The following ARHGAP24 variants were observed in gnomAD, a reference collection of about 807,000 sequenced individuals.
ARHGAP24 encodes Rho GTPase activating protein 24.
Under a neutral mutation model 76.4 loss-of-function variants are expected in ARHGAP24, and 50 were observed. That is an observed-to-expected ratio of 0.65 (90% CI 0.52 to 0.83). The LOEUF is 0.83. ARHGAP24 is among the 40% of genes least tolerant of loss of function. The probability of loss-of-function intolerance (pLI) is 0.00; values close to 1 mark genes in which losing one functional copy is unlikely to be tolerated. For missense variants in ARHGAP24, 930 were observed against 914.2 expected (o/e 1.02, Z -0.22); for synonymous variants, 345 against 323.3 (o/e 1.07, Z -0.72).
At chr4:85,858,356 A>G (rs1731703463) in intron 3 of ARHGAP24, among the ~76,000 whole-genome samples, 1 of 152,154 alleles carries the variant, frequency 6.6e-6, no homozygotes. Flanking sequence ...TGTTTAAACA[A>G]TTTTGTTGTA....
chr4:85,865,326 T>C (rs1732133781), intron 3 of ARHGAP24, among the ~76,000 whole-genome samples: 2 of 151,806 alleles, frequency 1.3e-5, no homozygotes, highest in Non-Finnish European at 2.9e-5. Flanking sequence ...CAATTGTTCT[T>C]GGCTGGCTAA....
intron 2 of ARHGAP24, among the ~76,000 whole-genome samples, chr4:85,601,436 T>C (rs1720024167): frequency 6.6e-6 from 1 of 152,198 alleles, no homozygotes; most frequent in South Asian, 2.1e-4. Context: ...AATAGGGATT[T>C]TCAACTCAGT....
intron 3 of ARHGAP24, chr4:85,723,138 C>A (rs1354022096): frequency 6.7e-6 from 1 of 148,228 alleles, no homozygotes; most frequent in East Asian, 2.5e-4. Context: ...TGTATAGAAC[C>A]AGATTCCAGA....
chr4:85,859,242 C>CACACACA (rs1439225393), intron 3 of ARHGAP24, among the ~76,000 whole-genome samples: 3 of 151,208 alleles, frequency 2.0e-5, no homozygotes, highest in Non-Finnish European at 4.4e-5. Flanking sequence ...CACACACACA[C>CACACACA]AAGATGTGCT....
At position 85,972,051 on chromosome 4, in the gene ARHGAP24, C is replaced by T. The variant is rs146311467; in HGVS notation, c.615C>T (p.His205=). 99 of 1,614,048 alleles carry T rather than the reference C, an allele frequency of 6.1e-5. No individual in the cohort carries two copies. In the East Asian group the frequency reaches 2.1e-3, roughly 35 times the overall value. Residue 205 remains histidine (H), a synonymous_variant, in exon 6 of 10, where the codon CAC becomes CAT. Coordinates refer to ENST00000395184, the MANE Select transcript of ARHGAP24 (RefSeq NM_001025616.3). ...GTCTCCACAGCAACACAGATGTACA[C>T]ACGGTGGCATCACTTCTTAAGCTGT... ...KPSFDSNTDV[H]TVASLLKLYL... is the part of the protein sequence containing the mutation.
chr4:85,554,393 T>C (rs904921827), intron 1 of ARHGAP24, among the ~76,000 whole-genome samples: 1 of 152,212 alleles, frequency 6.6e-6, no homozygotes, highest in Non-Finnish European at 1.5e-5. Context: ...TATCTTAAAA[T>C]ATGTTTTCCA....
At chr4:85,552,604 A>G (rs1188105863) in intron 1 of ARHGAP24, among the ~76,000 whole-genome samples, 2 of 152,090 alleles carry the variant, frequency 1.3e-5, no homozygotes, top group Non-Finnish European at 2.9e-5. Flanking sequence ...TCTGTCTAAT[A>G]CCATCAGTGG....
chr4:85,563,958 C>G (rs1186654568), intron 1 of ARHGAP24, among the ~76,000 whole-genome samples: 1 of 152,124 alleles, frequency 6.6e-6, no homozygotes, highest in Non-Finnish European at 1.5e-5. Context: ...TACACAGCTA[C>G]AGTTATTGAG....
At chr4:85,547,278 G>A (rs184511266) in intron 1 of ARHGAP24, among the ~76,000 whole-genome samples, 4 of 152,114 alleles carry the variant, frequency 2.6e-5, no homozygotes, top group African/African-American at 4.8e-5. Flanking sequence ...TTGAAAACAC[G>A]GCTAGCTATT....
At chr4:85,758,783 C>T (rs1240587856) in intron 3 of ARHGAP24, among the ~76,000 whole-genome samples, 1 of 152,034 alleles carries the variant, frequency 6.6e-6, no homozygotes, top group Non-Finnish European at 1.5e-5. Context: ...ACACAGTGAG[C>T]ATCAAAGGCA....
chr4:85,856,935 CTT>C (rs924733048), intron 3 of ARHGAP24, among the ~76,000 whole-genome samples: 2 of 151,872 alleles, frequency 1.3e-5, no homozygotes, highest in Non-Finnish European at 2.9e-5. Context: ...TGGCAACTGA[CTT>C]TTTTTTAATT....
chr4:85,979,687 A>G (rs1448011223), intron 8 of ARHGAP24, among the ~76,000 whole-genome samples: 1 of 152,156 alleles, frequency 6.6e-6, no homozygotes, highest in African/African-American at 2.4e-5. Flanking sequence ...TTTTCTTCTC[A>G]TCTACTGCTT....
At chr4:85,975,735 A>G (rs346478) in intron 7 of ARHGAP24, 54,106 of 152,080 alleles carry the variant, frequency 0.36, 9,812 homozygotes, top group East Asian at 0.52. Context: ...TTCCCAGTCC[A>G]TTTTAAAATA....
intron 3 of ARHGAP24, among the ~76,000 whole-genome samples, chr4:85,862,764 A>G (rs991763286): frequency 1.3e-5 from 2 of 152,084 alleles, no homozygotes; most frequent in Admixed American, 6.6e-5. Flanking sequence ...AACACCATCC[A>G]ATATTTGATG....
intron 3 of ARHGAP24, among the ~76,000 whole-genome samples, chr4:85,848,507 A>G (rs1206430976): frequency 1.3e-5 from 2 of 152,190 alleles, no homozygotes; most frequent in Admixed American, 1.3e-4. Flanking sequence ...TACAAAGGAT[A>G]TGAACTCATT....
At chr4:85,686,783 A>C (rs527987535) in intron 2 of ARHGAP24, 1 of 152,194 alleles carries the variant, frequency 6.6e-6, no homozygotes, top group Admixed American at 6.5e-5. Flanking sequence ...TCATTAGAGG[A>C]AAAAAATACT....
chr4:85,660,065 A>G (rs1454472832), intron 2 of ARHGAP24, among the ~76,000 whole-genome samples: 1 of 152,188 alleles, frequency 6.6e-6, no homozygotes, highest in Non-Finnish European at 1.5e-5. Flanking sequence ...GTTATGTGGA[A>G]AAAACGGCAT....
intron 1 of ARHGAP24, among the ~76,000 whole-genome samples, chr4:85,505,977 G>A (rs1264034458): frequency 6.6e-6 from 1 of 152,000 alleles, no homozygotes; most frequent in East Asian, 1.9e-4. Context: ...TAGCAGTCAG[G>A]TCCCTCAGCT....
Position 85,974,937 on chromosome 4 carries a change from A to G in ARHGAP24, c.782A>G (p.Tyr261Cys). The G allele has an allele frequency of 6.2e-7, 1 of 1,613,862 alleles. No homozygotes were observed. The highest frequency in any genetic ancestry group is 8.5e-7 in the Non-Finnish European group (1 of 1,179,846). The change falls in exon 7 of 10, where the codon TAC (tyrosine) becomes TGC (cysteine). Residue 261 changes from tyrosine (Y) to cysteine (C), a missense_variant. Coordinates refer to ENST00000395184, the MANE Select transcript of ARHGAP24 (RefSeq NM_001025616.3). ...KQVKSLPVVNYNLLKYICRFL... is the reference protein window; with the variant it reads ...KQVKSLPVVNCNLLKYICRFL... ...GTGAAGAGTTTGCCAGTGGTAAATT[A>G]CAACCTCCTCAAGTATATTTGCAGG...
Sources: gnomAD v4.1 joint callset for allele counts (sites outside exome capture counted in the v4.1 genomes callset) on GRCh38, gnomAD v4.1.1 for gene constraint, MANE v1.5 for transcripts, NCBI Gene and HGNC (gene_info 2026-07-23, HGNC 2026-07-21) for gene names.